PRKCB: variants seen among roughly 807,000 people sequenced by gnomAD.
PRKCB encodes protein kinase C beta, also known as protein kinase C beta type.
Under a neutral mutation model 81.5 loss-of-function variants are expected in PRKCB, and 13 were observed. That is an observed-to-expected ratio of 0.16 (90% CI 0.10 to 0.25). The LOEUF (loss-of-function observed/expected upper bound fraction) is 0.25, where lower values mean the gene tolerates loss of function less well. Ranked by LOEUF, PRKCB falls within the 10% of genes least tolerant of loss-of-function variation. PRKCB has a pLI of 1.00. For synonymous variants in PRKCB, 335 were observed against 321.4 expected, an observed-to-expected ratio of 1.04 and a Z score of -0.45; for missense variants, 509 against 875.7, an observed-to-expected ratio of 0.58 and a Z score of 5.29.
In PRKCB at chr16:24,185,177, A is replaced by G. The variant is rs1232096306; in HGVS notation, c.1600A>G (p.Met534Val). ...GGCATTTGGAGTCCTGCTGTATGAA[A>G]TGTTGGCTGGGCAGGTAATTGAATT... Reference protein sequence around the residue: ...WWAFGVLLYEMLAGQAPFEGE... With the variant: ...WWAFGVLLYEVLAGQAPFEGE... The change falls in exon 14 of 17, where the codon ATG (methionine) becomes GTG (valine). Residue 534 changes from methionine (M) to valine (V), a missense_variant. Met to Val is a conservative substitution (Grantham distance 21). Transcript: ENST00000643927. 3 of 1,613,876 alleles carry G rather than the reference A, an allele frequency of 1.9e-6. No homozygotes were observed. In the African/African-American group the frequency reaches 4.0e-5, roughly 22 times the overall value.
chr16:24,175,971 CAAAAAAAAAA>C (rs34578906), intron 12 of PRKCB, among the ~76,000 whole-genome samples: 2 of 49,852 alleles, frequency 4.0e-5, no homozygotes, highest in African/African-American at 7.6e-5. Context: ...GACCCTGTCT[CAAAAAAAAAA>C]AAAAAAAAAA....
chr16:24,024,474 T>A (rs1965450281), intron 3 of PRKCB, among the ~76,000 whole-genome samples: 1 of 152,184 alleles, frequency 6.6e-6, no homozygotes, highest in Admixed American at 6.5e-5. Context: ...TTCAAATATC[T>A]CAAGCTAAGA....
chr16:24,109,898 G>A (rs1966649774), intron 7 of PRKCB, among the ~76,000 whole-genome samples: 1 of 127,616 alleles, frequency 7.8e-6, no homozygotes, highest in Non-Finnish European at 1.6e-5. Context: ...TGCGGTTAGG[G>A]GCTGGAGACC....
chr16:24,208,739 A>G (rs892432483), intron 16 of PRKCB, among the ~76,000 whole-genome samples: 2 of 152,186 alleles, frequency 1.3e-5, no homozygotes, highest in African/African-American at 4.8e-5. Context: ...AGGACACAGC[A>G]GGCAGGAAAC....
At chr16:24,124,943 T>C (rs1326964607) in intron 9 of PRKCB, among the ~76,000 whole-genome samples, 1 of 152,168 alleles carries the variant, frequency 6.6e-6, no homozygotes, top group Non-Finnish European at 1.5e-5. Flanking sequence ...CTTCTCTTCA[T>C]CTCTCTAATA....
chr16:23,964,011 A>G (rs1567327787), intron 2 of PRKCB, among the ~76,000 whole-genome samples: 1 of 151,892 alleles, frequency 6.6e-6, no homozygotes, highest in Non-Finnish European at 1.5e-5. Context: ...CATTTAGTAT[A>G]CTCCAGGGCT....
chr16:23,949,906 A>G (rs1309745950), intron 2 of PRKCB, among the ~76,000 whole-genome samples: 1 of 152,152 alleles, frequency 6.6e-6, no homozygotes, highest in East Asian at 1.9e-4. Flanking sequence ...TGCCAGAGCC[A>G]CTTGGGTCCA....
intron 2 of PRKCB, among the ~76,000 whole-genome samples, chr16:23,949,222 A>G (rs1192393093): frequency 6.6e-6 from 1 of 152,208 alleles, no homozygotes; most frequent in Non-Finnish European, 1.5e-5. Context: ...CAAACAAAAG[A>G]AAGAAAGAAC....
intron 16 of PRKCB, among the ~76,000 whole-genome samples, chr16:24,213,490 C>T (rs1296938048): frequency 6.6e-6 from 1 of 152,036 alleles, no homozygotes; most frequent in African/African-American, 2.4e-5. Flanking sequence ...TAATAATGCC[C>T]ACTTCATAGG....
chr16:23,978,263 T>C (rs985564840), intron 2 of PRKCB, among the ~76,000 whole-genome samples: 3 of 152,206 alleles, frequency 2.0e-5, no homozygotes, highest in Non-Finnish European at 2.9e-5. Context: ...GAAGGGCATA[T>C]GCCCCTCAGT....
At chr16:24,150,798 C>G (rs1160768878) in intron 9 of PRKCB, among the ~76,000 whole-genome samples, 1 of 152,158 alleles carries the variant, frequency 6.6e-6, no homozygotes, top group Non-Finnish European at 1.5e-5. Context: ...TCCTGTTTGG[C>G]CCTTTATAGA....
At chr16:23,901,116 A>C (rs1287089340) in intron 2 of PRKCB, among the ~76,000 whole-genome samples, 1 of 152,100 alleles carries the variant, frequency 6.6e-6, no homozygotes, top group Admixed American at 6.6e-5. Flanking sequence ...TTTCCTAATC[A>C]AAACACAATT....
At chr16:24,188,941 G>A (rs1967746844) in intron 15 of PRKCB, among the ~76,000 whole-genome samples, 1 of 152,194 alleles carries the variant, frequency 6.6e-6, no homozygotes, top group Non-Finnish European at 1.5e-5. Flanking sequence ...GAACGCATAT[G>A]ATGTTGTCAT....
chr16:24,185,605 C>A, intron 15 of PRKCB, 38 bp downstream of exon 15: 2 of 1,545,778 alleles, frequency 1.3e-6, no homozygotes, highest in Non-Finnish European at 1.8e-6. Context: ...AGGACCACCA[C>A]ATAAAGGCAT....
intron 3 of PRKCB, among the ~76,000 whole-genome samples, chr16:24,017,779 G>C (rs1965298961): frequency 6.6e-6 from 1 of 152,104 alleles, no homozygotes; most frequent in Non-Finnish European, 1.5e-5. Context: ...ACCCAGGCTA[G>C]AGTGCAGTGG....
chr16:24,058,155 C>A (rs1965928162), intron 5 of PRKCB, among the ~76,000 whole-genome samples: 1 of 152,176 alleles, frequency 6.6e-6, no homozygotes, highest in Admixed American at 6.5e-5. Flanking sequence ...GTGTTGCCAA[C>A]TTTCCAGTAG....
chr16:23,976,533 C>T (rs1372230631), intron 2 of PRKCB, among the ~76,000 whole-genome samples: 1 of 152,174 alleles, frequency 6.6e-6, no homozygotes, highest in Non-Finnish European at 1.5e-5. Context: ...TTAGCTGGCC[C>T]ACACAATCAG....
intron 9 of PRKCB, among the ~76,000 whole-genome samples, chr16:24,141,336 A>C (rs1031058427): frequency 2.0e-5 from 3 of 152,144 alleles, no homozygotes; most frequent in African/African-American, 7.2e-5. Context: ...CTGGGATTGC[A>C]AGCATGCACC....
intron 2 of PRKCB, among the ~76,000 whole-genome samples, chr16:23,984,092 T>G (rs1341809228): frequency 1.3e-5 from 2 of 152,200 alleles, no homozygotes; most frequent in Non-Finnish European, 1.5e-5. Flanking sequence ...AAACTGTACT[T>G]AAAAGAGGGT....
Sources: allele counts gnomAD v4.1 joint callset (sites outside exome capture counted in the v4.1 genomes callset), GRCh38; gene constraint gnomAD v4.1.1; transcripts MANE v1.5; gene names NCBI Gene and HGNC (gene_info 2026-07-23, HGNC 2026-07-21).